The following ESR2 variants were observed in gnomAD, a reference collection of about 807,000 sequenced individuals.
The protein encoded by ESR2 is estrogen receptor beta.
A neutral mutation model predicts 49.6 loss-of-function variants in ESR2; 36 were observed. The ratio of observed to expected loss-of-function variants is 0.73; its 90% CI spans 0.56 to 0.96. The LOEUF (loss-of-function observed/expected upper bound fraction) is 0.96, where lower values mean the gene tolerates loss of function less well. Among genes scored for constraint, ESR2 ranks in the 40% least tolerant of loss-of-function variants. The pLI is 0.00. For missense variants in ESR2, 714 were observed against 693.0 expected (o/e 1.03, Z -0.34); for synonymous variants, 320 against 266.1 (o/e 1.20, Z -1.97).
chr14:64,280,882 C>T (rs1567773512), intron 2 of ESR2, among the ~76,000 whole-genome samples: 1 of 152,088 alleles, frequency 6.6e-6, no homozygotes, highest in Admixed American at 6.6e-5. Context: ...TGGTGGTGCA[C>T]ACCTGTAATC....
In ESR2 at chr14:64,233,316, C is replaced by T. The variant is rs1277293896; in HGVS notation, c.1414G>A (p.Gly472Ser). 1.2e-6 allele frequency: 2 copies of T among 1,610,982 alleles called. No individual in the cohort carries two copies. The highest frequency in any genetic ancestry group is 4.5e-5 in the East Asian group (2 of 44,794). The change falls in exon 9 of 9, where the codon GGC (glycine) becomes AGC (serine). Residue 472 changes from glycine to serine, a missense_variant. Transcript: ENST00000341099. ...LSHVRHASNKGMEHLLNMKCK... is the reference protein window; with the variant it reads ...LSHVRHASNKSMEHLLNMKCK... Reference sequence around the variant, plus strand: ...TTCATGTTGAGCAGATGTTCCATGCCCTTGTTACTATGGGGACAAAAAGGT... The same window carrying T: ...TTCATGTTGAGCAGATGTTCCATGCTCTTGTTACTATGGGGACAAAAAGGT...
chr14:64,255,274 T>C lies in ESR2; in HGVS notation c.1091+1952A>G, dbSNP rs11844783. Among the ~76,000 whole-genome samples, 637 of 152,138 alleles carry C rather than the reference T, an allele frequency of 4.2e-3. 5 individuals carry two copies. The highest frequency in any genetic ancestry group is 0.015 in the African/African-American group (611 of 41,508). On this transcript the variant is annotated intron_variant, in intron 6 of 8. Coordinates refer to ENST00000341099, the MANE Select transcript of ESR2 (RefSeq NM_001437.3). Reference sequence around the variant, plus strand: ...TTCCTAGGACTAACTTCAAGGAAAATTATATGTGTATATTTATACATATGT... The same window carrying C: ...TTCCTAGGACTAACTTCAAGGAAAACTATATGTGTATATTTATACATATGT...
chr14:64,313,590 A>G (rs889512777), intron 1 of ESR2, among the ~76,000 whole-genome samples: 9 of 151,530 alleles, frequency 5.9e-5, no homozygotes, highest in Non-Finnish European at 8.8e-5. Context: ...AAAGAAAGAA[A>G]AGAAAAAAGA....
chr14:64,256,438 G>A (rs968796285), intron 6 of ESR2, among the ~76,000 whole-genome samples: 4 of 152,200 alleles, frequency 2.6e-5, no homozygotes, highest in Non-Finnish European at 4.4e-5. Context: ...ATTAGAATGT[G>A]TTAAAGCAGA....
chr14:64,327,641 A>G (rs978415009), intron 1 of ESR2, among the ~76,000 whole-genome samples: 16 of 152,326 alleles, frequency 1.1e-4, no homozygotes, highest in African/African-American at 3.1e-4. Context: ...GGTTGCAGTG[A>G]GCCAAGATAA....
chr14:64,287,367 C>T (rs2140835869), intron 1 of ESR2, among the ~76,000 whole-genome samples: 1 of 152,282 alleles, frequency 6.6e-6, no homozygotes, highest in Admixed American at 6.5e-5. Flanking sequence ...GGCAACTTTG[C>T]TTAGAAAATA....
At chr14:64,228,130 C>T, downstream of ESR2, 1 of 1,068,604 alleles carries the variant, frequency 9.4e-7, no homozygotes, top group Non-Finnish European at 1.2e-6. Context: ...TAAAGCAGAG[C>T]TTCTTAACTC....
intron 3 of ESR2, among the ~76,000 whole-genome samples, chr14:64,278,605 T>C (rs2076603617): frequency 6.6e-6 from 1 of 152,120 alleles, no homozygotes; most frequent in South Asian, 2.1e-4. Context: ...GATGGAAACA[T>C]AGGGTGTTGC....
At chr14:64,267,984 A>G (rs961899564) in intron 4 of ESR2, among the ~76,000 whole-genome samples, 2 of 152,196 alleles carry the variant, frequency 1.3e-5, no homozygotes, top group Non-Finnish European at 2.9e-5. Flanking sequence ...ACCACAGGTA[A>G]AATACTGGCT....
intron 4 of ESR2, among the ~76,000 whole-genome samples, chr14:64,267,771 C>T (rs2076361094): frequency 6.7e-6 from 1 of 150,058 alleles, no homozygotes; most frequent in African/African-American, 2.5e-5. Flanking sequence ...GTAGTCCCAG[C>T]TACTTGGGAG....
intron 3 of ESR2, among the ~76,000 whole-genome samples, chr14:64,275,510 C>T (rs1313974666): frequency 6.6e-6 from 1 of 152,008 alleles, no homozygotes; most frequent in East Asian, 1.9e-4. Context: ...CGAGACCAGC[C>T]TGGCCAATAT....
chr14:64,257,280 C>G lies in ESR2; in HGVS notation c.1037G>C (p.Arg346Pro). The G allele has an allele frequency of 6.2e-7, 1 of 1,614,118 alleles. No individual in the cohort carries two copies. Among genetic ancestry groups the G allele is most frequent in the South Asian group, 1.1e-5 (1 of 91,072 alleles). The change falls in exon 6 of 9, where the codon CGC (arginine) becomes CCC (proline). Residue 346 changes from arginine (R) to proline (P), a missense_variant. Physicochemically the swap from Arg to Pro is moderately radical, Grantham distance 103. Coordinates refer to ENST00000341099, the MANE Select transcript of ESR2 (RefSeq NM_001437.3). Reference sequence around the variant, plus strand: ...GAGCTTGCCGGGGTGGTCAATTGAGCGCCACATCAGCCCCATCATTAACAC... The same window carrying G: ...GAGCTTGCCGGGGTGGTCAATTGAGGGCCACATCAGCCCCATCATTAACAC... The part of the protein sequence containing the change: ...MEVLMMGLMW[R>P]SIDHPGKLIF...
intron 1 of ESR2, among the ~76,000 whole-genome samples, chr14:64,316,032 G>C (rs928619837): frequency 6.6e-6 from 1 of 150,928 alleles, no homozygotes; most frequent in Non-Finnish European, 1.5e-5. Flanking sequence ...ATTTTTTAGA[G>C]GCAGTGTCTC....
chr14:64,283,747 CAAAAAAAAA>C (rs757997424), intron 1 of ESR2, among the ~76,000 whole-genome samples: 767 of 45,628 alleles, frequency 0.017, 13 homozygotes, highest in African/African-American at 0.066. Context: ...GACCCTGTCT[CAAAAAAAAA>C]AAAAAAAAAA....
chr14:64,309,692 G>T (rs964842771), intron 1 of ESR2, among the ~76,000 whole-genome samples: 2 of 151,850 alleles, frequency 1.3e-5, no homozygotes, highest in Admixed American at 1.3e-4. Context: ...GGTATAAACT[G>T]GGCATGGTAG....
intron 1 of ESR2, among the ~76,000 whole-genome samples, chr14:64,314,815 T>A (rs758137796): frequency 7.6e-6 from 1 of 131,014 alleles, no homozygotes; most frequent in Non-Finnish European, 1.6e-5. Context: ...GAGGCGGAGG[T>A]TGCAGTGAGC....
intron 1 of ESR2, among the ~76,000 whole-genome samples, chr14:64,314,164 T>C (rs1416935732): frequency 2.6e-5 from 4 of 151,630 alleles, no homozygotes; most frequent in African/African-American, 9.7e-5. Flanking sequence ...ATTGAAATCG[T>C]ATAGAATGTG....
rs1274607069 is a variant in ESR2 at position 64,294,272 on chromosome 14, GGCAGTTATTTCTC to G, written c.-343_-331del. On this transcript the variant is annotated 5_prime_UTR_variant, in exon 1 of 9. Coordinates refer to ENST00000341099, the MANE Select transcript of ESR2 (RefSeq NM_001437.3). ...GCTCTTCGCCCTGCAAGTTTCAAGA[GGCAGTTATTTCTC>G]GCAGCCTCCGCGCTTGCAACTGCCT... 6.6e-6 allele frequency: 1 copy of G among 152,362 alleles called. No individual in the cohort carries two copies. The highest frequency in any genetic ancestry group is 6.5e-5 in the Admixed American group (1 of 15,286). The allele number at this position is 152,362 out of a possible 1,614,324, so 9.4% of individuals were successfully genotyped here.
intron 1 of ESR2, among the ~76,000 whole-genome samples, chr14:64,293,827 A>T (rs538808487): frequency 6.6e-5 from 10 of 152,374 alleles, no homozygotes; most frequent in Middle Eastern, 3.4e-3. Flanking sequence ...CTCACGGCAC[A>T]AACTAAATAA....
Sources: gnomAD v4.1 joint callset for allele counts (sites outside exome capture counted in the v4.1 genomes callset) on GRCh38, gnomAD v4.1.1 for gene constraint, MANE v1.5 for transcripts, NCBI Gene and HGNC (gene_info 2026-07-23, HGNC 2026-07-21) for gene names.